The following USP33 variants were observed in gnomAD, a reference collection of about 807,000 sequenced individuals.
USP33 encodes ubiquitin carboxyl-terminal hydrolase 33.
USP33 carries 46 observed loss-of-function variants against 124.2 expected under a neutral mutation model. That is an observed-to-expected ratio of 0.37 (90% CI 0.29 to 0.47). The LOEUF (loss-of-function observed/expected upper bound fraction) is 0.47, where lower values mean the gene tolerates loss of function less well. Ranked by LOEUF, USP33 falls within the 20% of genes least tolerant of loss-of-function variation. USP33 has a pLI of 0.99. For synonymous variants in USP33, 350 were observed against 352.3 expected, an observed-to-expected ratio of 0.99 and a Z score of 0.07; for missense variants, 851 against 1,070.6, an observed-to-expected ratio of 0.79 and a Z score of 2.86.
Position 77,750,667 on chromosome 1 carries a change from A to AGAAAGAAAG in USP33, c.-51-8928_-51-8920dup, listed in dbSNP as rs1553201910. On this transcript the variant is annotated intron_variant, in intron 1 of 23. Transcript: ENST00000370794. The stretch of plus-strand genomic sequence containing the variant: ...AAGAAAGAAAGAAAGAAAGAAAGAA[A>AGAAAGAAAG]GAAAGAAAGAAAGAAAGAAAAAGGA... Among the ~76,000 whole-genome samples the AGAAAGAAAG allele has an allele frequency of 5.6e-3, 845 of 150,872 alleles. 14 individuals are homozygous for AGAAAGAAAG. The highest frequency in any genetic ancestry group is 0.02 in the African/African-American group (813 of 40,506).
chr1:77,741,310 T>C (rs975051555), intron 3 of USP33, 66 bp downstream of exon 3: 1 of 1,485,034 alleles, frequency 6.7e-7, no homozygotes, highest in African/African-American at 1.4e-5. Flanking sequence ...ATTTTCTGGT[T>C]ATGATTATTC....
chr1:77,754,590 G>T (rs997531435), intron 1 of USP33, among the ~76,000 whole-genome samples: 4 of 152,054 alleles, frequency 2.6e-5, no homozygotes, highest in African/African-American at 9.7e-5. Context: ...CCTCTGTGAG[G>T]ATTTGAAGAT....
chr1:77,729,955 T>A lies in USP33; in HGVS notation c.639-17A>T, dbSNP rs911528914. ...GATCCTGGCCTGAGCAAGAAAACAT[T>A]TTTAAAGAGCAATTTTTGTTATTTT... On this transcript the variant is annotated splice_polypyrimidine_tract_variant and intron_variant, in intron 8 of 23. Transcript: ENST00000370794. 5.7e-6 allele frequency: 9 copies of A among 1,582,502 alleles called. No homozygotes were observed. The highest frequency in any genetic ancestry group is 1.4e-5 in the African/African-American group (1 of 73,380).
rs58039121 is a variant in USP33, at chr1:77,719,099, G to A, written c.1692-458C>T. 1.7e-3 allele frequency among the ~76,000 whole-genome samples: 256 copies of A among 152,218 alleles called. 1 individual carries two copies. The highest frequency in any genetic ancestry group is 5.5e-3 in the African/African-American group (228 of 41,536). On this transcript the variant is annotated intron_variant, in intron 15 of 23. Transcript: ENST00000370794. Reference sequence around the variant, plus strand: ...AAACTGGCCAGGCGCAGTGGCTCACGCCTGTAATCTCAGCACTTTGGGAGG... The same window carrying A: ...AAACTGGCCAGGCGCAGTGGCTCACACCTGTAATCTCAGCACTTTGGGAGG...
In USP33 at chr1:77,734,414, G is replaced by T. The variant is rs1678184498; in HGVS notation, c.457C>A (p.Leu153Ile). The change falls in exon 7 of 24, where the codon CTT (leucine) becomes ATT (isoleucine). Residue 153 changes from leucine to isoleucine, a missense_variant and splice_region_variant. By Grantham distance (5) the Leu-to-Ile change is conservative. Coordinates refer to ENST00000370794, the MANE Select transcript of USP33 (RefSeq NM_201624.3). The stretch of plus-strand genomic sequence containing the variant: ...TTTCCAATATTTTTCAAACCTGTAA[G>T]ACCTATTAAGAAAAAATATACATGA... ...DEEDELRARG[L>I]TGLKNIGNTC... 1.3e-6 allele frequency: 2 copies of T among 1,577,464 alleles called. No individual in the cohort carries two copies. The highest frequency in any genetic ancestry group is 1.2e-5 in the South Asian group (1 of 85,038).
chr1:77,731,260 A>G (rs1038303850), intron 7 of USP33, among the ~76,000 whole-genome samples: 2 of 152,224 alleles, frequency 1.3e-5, no homozygotes, highest in East Asian at 3.8e-4. Flanking sequence ...TGAAATGCCC[A>G]AACTAAACAG....
intron 5 of USP33, among the ~76,000 whole-genome samples, chr1:77,738,487 CTTT>C (rs965765130): frequency 6.9e-6 from 1 of 144,844 alleles, no homozygotes. Context: ...ATCTTTTTTT[CTTT>C]TTTTTTTTTA....
At chr1:77,731,470 C>A (rs1204791253) in intron 7 of USP33, among the ~76,000 whole-genome samples, 1 of 152,026 alleles carries the variant, frequency 6.6e-6, no homozygotes, top group Non-Finnish European at 1.5e-5. Context: ...AAATCCTGAC[C>A]TACATAAACC....
chr1:77,718,926 C>CAA (rs1049500513), intron 15 of USP33, among the ~76,000 whole-genome samples: 31 of 52,456 alleles, frequency 5.9e-4, no homozygotes, highest in African/African-American at 1.8e-3. Context: ...GACCCTGCCT[C>CAA]AAAAAAAAAA....
intron 19 of USP33, chr1:77,713,485 A>AGG (rs2101285666): frequency 2.2e-6 from 1 of 464,350 alleles, no homozygotes. Context: ...CCTGGGCTCA[A>AGG]GGCATCCTCC....
chr1:77,718,090 A>G (rs1676128166), intron 16 of USP33, 43 bp from the exon 17 acceptor site: 1 of 1,510,272 alleles, frequency 6.6e-7, no homozygotes, highest in Non-Finnish European at 9.0e-7. Context: ...CAATACAGAA[A>G]ACAAAAAGCA....
chr1:77,728,113 TAATTA>T (rs1418187557), intron 10 of USP33, among the ~76,000 whole-genome samples, 177 bp downstream of exon 10: 2 of 152,224 alleles, frequency 1.3e-5, no homozygotes, highest in African/African-American at 4.8e-5. Context: ...ATTTCTTATA[TAATTA>T]AATGACCCAA....
chr1:77,709,397 C>T (rs563849931), intron 21 of USP33, among the ~76,000 whole-genome samples: 1 of 152,094 alleles, frequency 6.6e-6, no homozygotes, highest in African/African-American at 2.4e-5. Context: ...CATCTGTAGT[C>T]CTAGCTACTC....
chr1:77,705,130 G>T (rs1412735473), intron 21 of USP33, among the ~76,000 whole-genome samples: 1 of 149,296 alleles, frequency 6.7e-6, no homozygotes, highest in Non-Finnish European at 1.5e-5. Flanking sequence ...AAAAAAAAGG[G>T]GGGGGGCTGA....
intron 15 of USP33, chr1:77,720,694 A>G (rs1308507881): frequency 2.4e-6 from 2 of 831,992 alleles, no homozygotes; most frequent in African/African-American, 1.8e-5. Flanking sequence ...AGAAGCATTA[A>G]AAGTCTAAAT....
chr1:77,737,477 TTAA>T (rs1356768990), intron 5 of USP33, among the ~76,000 whole-genome samples: 5 of 152,384 alleles, frequency 3.3e-5, no homozygotes, highest in African/African-American at 1.2e-4. Flanking sequence ...AAAAATCTTA[TTAA>T]TATTTGCATG....
At chr1:77,721,108 C>A in intron 15 of USP33, 64 bp downstream of exon 15, 1 of 1,584,084 alleles carries the variant, frequency 6.3e-7, no homozygotes, top group Non-Finnish European at 8.7e-7. Context: ...ACTCCACATA[C>A]CCAATTCTAA....
intron 1 of USP33, among the ~76,000 whole-genome samples, chr1:77,758,175 CTTTTTTTTTTTTTTT>C (rs1185358841): frequency 3.2e-5 from 3 of 94,284 alleles, no homozygotes; most frequent in African/African-American, 4.5e-5. Context: ...TTGTACTGTC[CTTTTTTTTTTTTTTT>C]TTTTTTTTGA....
At chr1:77,739,005 TA>T (rs981338444) in intron 5 of USP33, among the ~76,000 whole-genome samples, 10 of 147,586 alleles carry the variant, frequency 6.8e-5, no homozygotes, top group Admixed American at 1.4e-4. Context: ...TTGAGTCATT[TA>T]AAAAAAAAAA....
Sources: allele counts gnomAD v4.1 joint callset (sites outside exome capture counted in the v4.1 genomes callset), GRCh38; gene constraint gnomAD v4.1.1; transcripts MANE v1.5; gene names NCBI Gene and HGNC (gene_info 2026-07-23, HGNC 2026-07-21).